The following SOCS6 variants were observed in gnomAD, a reference collection of about 807,000 sequenced individuals.
SOCS6 encodes suppressor of cytokine signaling 6, also known as STAT induced STAT inhibitor-4.
Under a neutral mutation model 27.7 loss-of-function variants are expected in SOCS6, and 5 were observed. The observed-to-expected ratio is 0.18, with a 90% CI of 0.09 to 0.38. The LOEUF (loss-of-function observed/expected upper bound fraction) is 0.38, where lower values mean the gene tolerates loss of function less well. Among genes scored for constraint, SOCS6 ranks in the 10% least tolerant of loss-of-function variants. The pLI, the probability that SOCS6 is intolerant of heterozygous loss-of-function variation, is 1.00. For synonymous variants in SOCS6, 271 were observed against 260.0 expected, an observed-to-expected ratio of 1.04 and a Z score of -0.41; for missense variants, 595 against 688.1, an observed-to-expected ratio of 0.86 and a Z score of 1.51.
chr18:70,300,331 G>A (rs1404273817), intron 1 of SOCS6, among the ~76,000 whole-genome samples: 5 of 152,092 alleles, frequency 3.3e-5, no homozygotes, highest in Admixed American at 6.5e-5. Context: ...GTTTCACCAC[G>A]TGGGCCAGGC....
chr18:70,324,895 C>G lies in SOCS6; in HGVS notation c.227C>G (p.Thr76Arg). Residue 76 changes from threonine to arginine, a missense_variant, in exon 2 of 2, where the codon ACG (threonine) becomes AGG (arginine). Physicochemically the swap from Thr to Arg is moderately conservative, Grantham distance 71. Transcript: ENST00000397942. ...TCAAAAAGCGAGAGCCTGATGGGTA[C>G]GCTAAAAAGGCGGCTTTCTGCAAAA... ...NRSKSESLMG[T>R]LKRRLSAKQK... 6.2e-7 allele frequency: 1 copy of G among 1,614,132 alleles called. No homozygotes were observed. Among genetic ancestry groups the G allele is most frequent in the Non-Finnish European group, 8.5e-7 (1 of 1,180,016 alleles).
At chr18:70,299,607 G>A (rs1275534633) in intron 1 of SOCS6, among the ~76,000 whole-genome samples, 1 of 152,146 alleles carries the variant, frequency 6.6e-6, no homozygotes, top group East Asian at 1.9e-4. Context: ...TGGGTCTCTG[G>A]GTGACCAGCC....
At chr18:70,314,231 G>A (rs2062402225) in intron 1 of SOCS6, 1 of 152,082 alleles carries the variant, frequency 6.6e-6, no homozygotes, top group Admixed American at 6.6e-5. Flanking sequence ...ACTCCAGCCT[G>A]GGCGACAGAG....
At chr18:70,321,486 A>ATTTTTTTTTTT (rs765150837) in intron 1 of SOCS6, among the ~76,000 whole-genome samples, 4 of 112,636 alleles carry the variant, frequency 3.6e-5, no homozygotes, top group African/African-American at 1.1e-4. Flanking sequence ...ATGCCTGGCT[A>ATTTTTTTTTTT]TTTTTTTTTT....
At chr18:70,295,373 A>G (rs900997429) in intron 1 of SOCS6, among the ~76,000 whole-genome samples, 2 of 152,330 alleles carry the variant, frequency 1.3e-5, no homozygotes, top group East Asian at 1.9e-4. Flanking sequence ...GACCATATCA[A>G]TAATATGCTA....
At chr18:70,321,474 C>G (rs1376937980) in intron 1 of SOCS6, among the ~76,000 whole-genome samples, 2 of 146,372 alleles carry the variant, frequency 1.4e-5, no homozygotes, top group Non-Finnish European at 3.0e-5. Flanking sequence ...GCACACGCCA[C>G]CATGCCTGGC....
chr18:70,315,876 G>A (rs981027884), intron 1 of SOCS6, among the ~76,000 whole-genome samples: 5 of 151,940 alleles, frequency 3.3e-5, no homozygotes, highest in Non-Finnish European at 5.9e-5. Flanking sequence ...TTTTGTTTTT[G>A]TGGTTTTTTT....
intron 1 of SOCS6, among the ~76,000 whole-genome samples, chr18:70,292,530 G>T (rs958974427): frequency 6.6e-6 from 1 of 152,122 alleles, no homozygotes; most frequent in Middle Eastern, 3.4e-3. Flanking sequence ...TTAATTTTTG[G>T]TAGAGATGGG....
chr18:70,292,115 T>G (rs1274807065), intron 1 of SOCS6, among the ~76,000 whole-genome samples: 1 of 152,186 alleles, frequency 6.6e-6, no homozygotes, highest in Non-Finnish European at 1.5e-5. Flanking sequence ...GGCAGTTGTT[T>G]TTAGGTGGCC....
chr18:70,320,604 T>C (rs757056818), intron 1 of SOCS6, among the ~76,000 whole-genome samples: 21 of 152,204 alleles, frequency 1.4e-4, no homozygotes, highest in Non-Finnish European at 2.2e-4. Flanking sequence ...TTTATTACAA[T>C]ATTTTGCTAT....
chr18:70,309,374 A>G (rs112998965), intron 1 of SOCS6, among the ~76,000 whole-genome samples: 2 of 152,272 alleles, frequency 1.3e-5, no homozygotes, highest in Non-Finnish European at 2.9e-5. Context: ...TAATGTGATT[A>G]TTGATTCCAT....
At chr18:70,319,794 C>G (rs1281611447) in intron 1 of SOCS6, among the ~76,000 whole-genome samples, 2 of 152,032 alleles carry the variant, frequency 1.3e-5, no homozygotes, top group Admixed American at 6.6e-5. Flanking sequence ...CCAGGGGAAG[C>G]GCTTGTTTGA....
At chr18:70,306,793 G>GT (rs1488547608) in intron 1 of SOCS6, among the ~76,000 whole-genome samples, 1 of 152,156 alleles carries the variant, frequency 6.6e-6, no homozygotes, top group Non-Finnish European at 1.5e-5. Flanking sequence ...ATCAATAGGT[G>GT]TTGTCAATGC....
rs781563975 is a variant in SOCS6 at position 70,325,464 on chromosome 18, G to C, written c.796G>C (p.Glu266Gln). 1.2e-6 allele frequency: 2 copies of C among 1,614,186 alleles called. No individual in the cohort carries two copies. The highest frequency in any genetic ancestry group is 1.7e-5 in the Admixed American group (1 of 60,022). ...QVGGRAFPEDESQVDQDLVVA... is the reference protein window; with the variant it reads ...QVGGRAFPEDQSQVDQDLVVA... ...GGGAGGGCGCGCTTTCCCCGAGGAT[G>C]AGAGTCAGGTAGACCAGGACCTAGT... The change falls in exon 2 of 2, where the codon GAG becomes CAG. Residue 266 changes from glutamate to glutamine, a missense_variant. Around this residue, in one of 2 missense-constraint regions of SOCS6, gnomAD observed 467 missense variants for 481.1 expected, o/e 0.97. Transcript: ENST00000397942. This position sits in a 1 kb window ranked among gnomAD's most constrained non-coding sequence, Gnocchi z 6.3.
intron 1 of SOCS6, among the ~76,000 whole-genome samples, chr18:70,306,686 T>C (rs2062371173): frequency 6.6e-6 from 1 of 152,116 alleles, no homozygotes; most frequent in African/African-American, 2.4e-5. Flanking sequence ...CATTCAGCCC[T>C]TCAGCATTAA....
chr18:70,297,645 T>G (rs902346850), intron 1 of SOCS6, among the ~76,000 whole-genome samples: 21 of 152,214 alleles, frequency 1.4e-4, no homozygotes, highest in African/African-American at 4.8e-4. Context: ...GCAATCAGAT[T>G]ATTGTTTTAT....
chr18:70,309,874 C>T (rs1378743105), intron 1 of SOCS6, among the ~76,000 whole-genome samples: 1 of 152,124 alleles, frequency 6.6e-6, no homozygotes, highest in East Asian at 1.9e-4. Context: ...TTAGTAGAGA[C>T]AGGATTTCAC....
At chr18:70,305,257 T>C (rs35121653) in intron 1 of SOCS6, among the ~76,000 whole-genome samples, 11,294 of 152,264 alleles carry the variant, frequency 0.074, 450 homozygotes, top group Non-Finnish European at 0.083. Flanking sequence ...CATTTAGGTA[T>C]ATGACCCATT....
chr18:70,309,846 G>A (rs1180636548), intron 1 of SOCS6, among the ~76,000 whole-genome samples: 1 of 152,116 alleles, frequency 6.6e-6, no homozygotes, highest in Non-Finnish European at 1.5e-5. Flanking sequence ...ACCTCACGCA[G>A]CTAATTGTTT....
Sources: allele counts gnomAD v4.1 joint callset (sites outside exome capture counted in the v4.1 genomes callset), GRCh38; gene constraint gnomAD v4.1.1; regional missense constraint gnomAD v4.1.1; non-coding constraint Gnocchi (gnomAD v3.1); transcripts MANE v1.5; gene names NCBI Gene and HGNC (gene_info 2026-07-23, HGNC 2026-07-21).